Variants in ZFHX3 observed in about 807,000 individuals in gnomAD.
ZFHX3 encodes the protein zinc finger homeobox protein 3.
In ZFHX3, 42 loss-of-function variants were observed where a neutral mutation model predicts 279.1. The observed-to-expected ratio is 0.15, with a 90% confidence interval of 0.12 to 0.19. The LOEUF (loss-of-function observed/expected upper bound fraction) is 0.19, where lower values mean the gene tolerates loss of function less well. Ranked by LOEUF, ZFHX3 falls within the 10% of genes least tolerant of loss-of-function variation. The pLI is 1.00. For synonymous variants in ZFHX3, 2,293 were observed against 1,957.8 expected (o/e 1.17, Z -4.52); for missense variants, 4,981 against 4,754.0 (o/e 1.05, Z -1.40).
chr16:72,916,378 T>A (rs2039443598), intron 3 of ZFHX3, among the ~76,000 whole-genome samples: 1 of 152,144 alleles, frequency 6.6e-6, no homozygotes. Flanking sequence ...GCCCAGAGAA[T>A]GCTGATGATA....
Position 72,785,417 on chromosome 16 carries a change from G to A in ZFHX3, c.*1747C>T, listed in dbSNP as rs1216272307. On this transcript the variant is annotated 3_prime_UTR_variant, in exon 10 of 10. Transcript: ENST00000268489. ...AGGACAAAACTTTGAAGTAAAAAAT[G>A]TGTCTTTTGGTATATGGAATTGTCA... 1.3e-5 allele frequency: 2 copies of A among 152,618 alleles called. No individual in the cohort carries two copies. The highest frequency in any genetic ancestry group is 2.4e-5 in the African/African-American group (1 of 41,450). 9.5% of individuals were successfully genotyped at this position (152,618 alleles called of 1,614,324 possible).
intron 3 of ZFHX3, among the ~76,000 whole-genome samples, chr16:73,392,129 C>T (rs2017025259): frequency 6.6e-6 from 1 of 151,874 alleles, no homozygotes; most frequent in Admixed American, 6.6e-5. Flanking sequence ...AATCAAGAAA[C>T]AGCAGCAAGG....
intron 4 of ZFHX3, among the ~76,000 whole-genome samples, chr16:72,835,911 A>G (rs1195423121): frequency 1.3e-5 from 2 of 152,200 alleles, no homozygotes; most frequent in African/African-American, 4.8e-5. Flanking sequence ...GGCTGCAAAT[A>G]TTCTACAGAA....
chr16:73,556,922 C>A (rs1049621703), intron 2 of ZFHX3, among the ~76,000 whole-genome samples: 7 of 151,536 alleles, frequency 4.6e-5, no homozygotes, highest in Non-Finnish European at 1.0e-4. Context: ...GGTGAAACCC[C>A]ATCTCTACTA....
At chr16:72,956,383 C>T (rs1398634144) in intron 2 of ZFHX3, among the ~76,000 whole-genome samples, 2 of 152,184 alleles carry the variant, frequency 1.3e-5, no homozygotes, top group Non-Finnish European at 2.9e-5. Flanking sequence ...CGGGATGGGA[C>T]GCAGGCAGGA....
At position 72,884,798 on chromosome 16, in the gene ZFHX3, A is replaced by C. The variant is rs1160086342; in HGVS notation, c.3448+4933T>G. On this transcript the variant is annotated intron_variant, in intron 4 of 9. Transcript: ENST00000268489. ...ATCCTACACATGACCCACCTCTGAGAGCTCTCCATTTTTCAAGAGCTTCTG... is the reference window on the plus strand; with the variant it reads ...ATCCTACACATGACCCACCTCTGAGCGCTCTCCATTTTTCAAGAGCTTCTG... Among the ~76,000 whole-genome samples, 6 of 152,272 alleles carry C rather than the reference A, an allele frequency of 3.9e-5. No homozygotes were observed. In the South Asian group the frequency reaches 1.2e-3, roughly 32 times the overall value.
At chr16:73,096,448 G>T (rs1401158773) in intron 7 of ZFHX3, among the ~76,000 whole-genome samples, 2 of 151,742 alleles carry the variant, frequency 1.3e-5, no homozygotes, top group African/African-American at 4.8e-5. Context: ...TGTCACCCAG[G>T]GTGGAGTGCA....
chr16:73,498,191 C>T (rs543990534), intron 2 of ZFHX3, among the ~76,000 whole-genome samples: 7 of 152,162 alleles, frequency 4.6e-5, no homozygotes, highest in Non-Finnish European at 8.8e-5. Flanking sequence ...TCAACACTCA[C>T]CAAATTTTGA....
At chr16:72,900,917 A>C (rs2039018840) in intron 3 of ZFHX3, among the ~76,000 whole-genome samples, 1 of 152,228 alleles carries the variant, frequency 6.6e-6, no homozygotes, top group Non-Finnish European at 1.5e-5. Context: ...AATTTCCAAG[A>C]CCAAAAATCT....
At chr16:73,859,865 T>G (rs1961834843) in intron 1 of ZFHX3, among the ~76,000 whole-genome samples, 1 of 152,194 alleles carries the variant, frequency 6.6e-6, no homozygotes, top group Non-Finnish European at 1.5e-5. Flanking sequence ...ACTGTTTATT[T>G]GGAAATGAAG....
At chr16:73,687,914 C>T (rs143510539) in intron 1 of ZFHX3, among the ~76,000 whole-genome samples, 7 of 151,388 alleles carry the variant, frequency 4.6e-5, no homozygotes, top group Admixed American at 2.0e-4. Context: ...TGCTCTTTAC[C>T]CCAAAATTTC....
intron 3 of ZFHX3, among the ~76,000 whole-genome samples, chr16:73,427,273 T>C (rs1294398927): frequency 6.6e-6 from 1 of 152,152 alleles, no homozygotes; most frequent in Non-Finnish European, 1.5e-5. Context: ...TTGTGAGTGG[T>C]AAGGTCATGT....
At chr16:72,935,649 G>A (rs958075204) in intron 3 of ZFHX3, among the ~76,000 whole-genome samples, 5 of 151,504 alleles carry the variant, frequency 3.3e-5, no homozygotes, top group Non-Finnish European at 5.9e-5. Context: ...GCTGAGAATC[G>A]CTTGAACTCG....
chr16:72,877,217 G>A (rs2038336431), intron 4 of ZFHX3, among the ~76,000 whole-genome samples: 1 of 152,168 alleles, frequency 6.6e-6, no homozygotes, highest in Non-Finnish European at 1.5e-5. Context: ...TGCAGAATTC[G>A]ATCAGGCCTG....
intron 5 of ZFHX3, among the ~76,000 whole-genome samples, chr16:73,218,609 A>G (rs1422617529): frequency 6.6e-6 from 1 of 152,150 alleles, no homozygotes; most frequent in African/African-American, 2.4e-5. Context: ...TCTCTACTAA[A>G]AACACAAAAC....
chr16:73,507,759 C>T (rs1432193992), intron 2 of ZFHX3, among the ~76,000 whole-genome samples: 1 of 152,058 alleles, frequency 6.6e-6, no homozygotes, highest in African/African-American at 2.4e-5. Context: ...CCTTGGCCTC[C>T]CAAAGTGCTG....
At chr16:73,697,911 C>T (rs954722241) in intron 1 of ZFHX3, among the ~76,000 whole-genome samples, 3 of 152,138 alleles carry the variant, frequency 2.0e-5, no homozygotes, top group Non-Finnish European at 4.4e-5. Context: ...AGTGAACACA[C>T]CTAGAGCCCA....
intron 7 of ZFHX3, among the ~76,000 whole-genome samples, chr16:73,097,698 C>T (rs1389359803): frequency 6.6e-6 from 1 of 152,136 alleles, no homozygotes; most frequent in Non-Finnish European, 1.5e-5. Context: ...AAACTTTTTA[C>T]CCATTAAGCA....
intron 1 of ZFHX3, among the ~76,000 whole-genome samples, chr16:72,985,866 TAATC>T (rs1962818534): frequency 6.6e-6 from 1 of 152,112 alleles, no homozygotes; most frequent in South Asian, 2.1e-4. Context: ...GTTGTTAAGG[TAATC>T]AATACCACTG....
Sources: gnomAD v4.1 joint callset for allele counts (sites outside exome capture counted in the v4.1 genomes callset) on GRCh38, gnomAD v4.1.1 for gene constraint, MANE v1.5 for transcripts, NCBI Gene and HGNC (gene_info 2026-07-23, HGNC 2026-07-21) for gene names.